KCNIP4: variants seen among roughly 807,000 people sequenced by gnomAD.
KCNIP4 encodes the protein potassium voltage-gated channel interacting protein 4.
Under a neutral mutation model 34.0 loss-of-function variants are expected in KCNIP4, and 12 were observed. That is an observed-to-expected ratio of 0.35 (90% CI 0.23 to 0.57). KCNIP4 has a LOEUF of 0.57. KCNIP4 is among the 20% of genes least tolerant of loss of function. The pLI, the probability that KCNIP4 is intolerant of heterozygous loss-of-function variation, is 0.83. For missense variants in KCNIP4, 238 were observed against 311.7 expected, an observed-to-expected ratio of 0.76 and a Z score of 1.78; for synonymous variants, 124 against 102.2, an observed-to-expected ratio of 1.21 and a Z score of -1.29.
At chr4:21,251,406 G>C (rs897713012) in intron 1 of KCNIP4, among the ~76,000 whole-genome samples, 1 of 152,034 alleles carries the variant, frequency 6.6e-6, no homozygotes. Flanking sequence ...CAGCAATCCT[G>C]ATGTTCAGCC....
intron 1 of KCNIP4, among the ~76,000 whole-genome samples, chr4:21,508,386 T>A (rs1295506833): frequency 6.6e-6 from 1 of 152,148 alleles, no homozygotes; most frequent in African/African-American, 2.4e-5. Context: ...TCACCGGAAA[T>A]ATAATTATGC....
At position 21,931,636 on chromosome 4, in the gene KCNIP4, C is replaced by CA. The variant is rs1310610958; in HGVS notation, c.61+16934dup. Reference sequence around the variant, plus strand: ...TGGCTGCATAGTATTCAAATGTATTCAATGGTGTATATGTGACACATTTTC... The same window carrying CA: ...TGGCTGCATAGTATTCAAATGTATTCAAATGGTGTATATGTGACACATTTTC... On this transcript the variant is annotated intron_variant, in intron 1 of 8. Transcript: ENST00000382152. Among the ~76,000 whole-genome samples, 4 of 152,016 alleles carry CA rather than the reference C, an allele frequency of 2.6e-5. No individual in the cohort carries two copies. In the East Asian group the frequency reaches 7.7e-4, roughly 29 times the overall value.
intron 1 of KCNIP4, among the ~76,000 whole-genome samples, chr4:21,941,927 C>T (rs1455616339): frequency 6.6e-6 from 1 of 152,088 alleles, no homozygotes; most frequent in African/African-American, 2.4e-5. Context: ...GACAGTCACC[C>T]CTTTTTCAGG....
intron 1 of KCNIP4, among the ~76,000 whole-genome samples, chr4:21,397,813 G>A (rs983189876): frequency 2.6e-5 from 4 of 152,096 alleles, no homozygotes; most frequent in African/African-American, 4.8e-5. Flanking sequence ...TCAATAGTTC[G>A]CTGCCCTTGA....
chr4:21,773,752 T>TTTTTTG (rs1718979238), intron 1 of KCNIP4, among the ~76,000 whole-genome samples: 1 of 137,768 alleles, frequency 7.3e-6, no homozygotes, highest in African/African-American at 3.4e-5. Context: ...GTTGTTTTTT[T>TTTTTTG]TTTTTTGTTT....
intron 1 of KCNIP4, among the ~76,000 whole-genome samples, chr4:21,674,016 AC>A (rs745823915): frequency 1.3e-5 from 2 of 152,232 alleles, no homozygotes; most frequent in Non-Finnish European, 2.9e-5. Context: ...GTGTTTGAAA[AC>A]AAAAATGAAG....
At chr4:21,575,457 C>T (rs1740680748) in intron 1 of KCNIP4, among the ~76,000 whole-genome samples, 1 of 152,036 alleles carries the variant, frequency 6.6e-6, no homozygotes, top group Non-Finnish European at 1.5e-5. Context: ...GAATAATGTC[C>T]AATACCTTAC....
At chr4:21,286,411 C>T (rs1763125897) in intron 1 of KCNIP4, among the ~76,000 whole-genome samples, 1 of 152,128 alleles carries the variant, frequency 6.6e-6, no homozygotes. Flanking sequence ...ATTTAAGCCA[C>T]ACAATGGCAA....
intron 1 of KCNIP4, among the ~76,000 whole-genome samples, chr4:20,987,237 T>C (rs1177574441): frequency 6.6e-6 from 1 of 152,132 alleles, no homozygotes; most frequent in East Asian, 1.9e-4. Context: ...TTTTAATGTT[T>C]AAAAATTTAA....
At chr4:21,263,463 T>C (rs1379536374) in intron 1 of KCNIP4, among the ~76,000 whole-genome samples, 2 of 152,128 alleles carry the variant, frequency 1.3e-5, no homozygotes, top group Non-Finnish European at 2.9e-5. Flanking sequence ...GCCATTCTCT[T>C]GGGAATAATT....
chr4:20,821,752 G>A (rs747805255), intron 3 of KCNIP4, among the ~76,000 whole-genome samples: 8 of 152,050 alleles, frequency 5.3e-5, no homozygotes, highest in Non-Finnish European at 1.0e-4. Context: ...CCATTTCTGA[G>A]TTACTTTACC....
chr4:21,194,371 T>C (rs749000366), intron 1 of KCNIP4, among the ~76,000 whole-genome samples: 3 of 152,292 alleles, frequency 2.0e-5, no homozygotes, highest in East Asian at 1.9e-4. Context: ...TTATTGACGA[T>C]TGGCCATCAC....
intron 1 of KCNIP4, among the ~76,000 whole-genome samples, chr4:20,979,242 A>G (rs1021693345): frequency 2.0e-5 from 3 of 152,108 alleles, no homozygotes; most frequent in Non-Finnish European, 4.4e-5. Flanking sequence ...GCTTCATGTC[A>G]TGGATATCAT....
At chr4:21,781,271 G>A (rs1045950963) in intron 1 of KCNIP4, among the ~76,000 whole-genome samples, 4 of 152,048 alleles carry the variant, frequency 2.6e-5, no homozygotes, top group African/African-American at 7.2e-5. Flanking sequence ...CTGTGAAGAA[G>A]GTCCTTGTTT....
chr4:21,019,655 A>G (rs1192428267), intron 1 of KCNIP4, among the ~76,000 whole-genome samples: 2 of 152,104 alleles, frequency 1.3e-5, no homozygotes, highest in Non-Finnish European at 2.9e-5. Flanking sequence ...GACAATATCT[A>G]CCATATTATT....
chr4:20,854,249 A>G (rs1721344063), intron 2 of KCNIP4, among the ~76,000 whole-genome samples: 1 of 152,238 alleles, frequency 6.6e-6, no homozygotes, highest in African/African-American at 2.4e-5. Flanking sequence ...CCAAATGCCC[A>G]TCAATCAATG....
chr4:21,332,436 A>G (rs555378485), intron 1 of KCNIP4, among the ~76,000 whole-genome samples: 2 of 152,134 alleles, frequency 1.3e-5, no homozygotes, highest in African/African-American at 4.8e-5. Flanking sequence ...ACATGGGACC[A>G]GTTATGTCCC....
chr4:20,741,998 A>C (rs1355442836), intron 5 of KCNIP4, among the ~76,000 whole-genome samples: 1 of 152,128 alleles, frequency 6.6e-6, no homozygotes, highest in Non-Finnish European at 1.5e-5. Flanking sequence ...GGACACATAC[A>C]CCCTCCCAAG....
At chr4:21,756,047 C>A (rs1717493660) in intron 1 of KCNIP4, among the ~76,000 whole-genome samples, 1 of 152,122 alleles carries the variant, frequency 6.6e-6, no homozygotes, top group Admixed American at 6.5e-5. Context: ...AGAATATTTG[C>A]TTGAAAACTG....
Sources: allele counts gnomAD v4.1 joint callset (sites outside exome capture counted in the v4.1 genomes callset), GRCh38; gene constraint gnomAD v4.1.1; transcripts MANE v1.5; gene names NCBI Gene and HGNC (gene_info 2026-07-23, HGNC 2026-07-21).